Variants in NPTXR observed in about 807,000 individuals in gnomAD.
NPTXR encodes the protein neuronal pentraxin receptor.
A neutral mutation model predicts 32.2 loss-of-function variants in NPTXR; 12 were observed. The observed-to-expected ratio is 0.37, with a 90% confidence interval of 0.24 to 0.60. NPTXR has a LOEUF of 0.60. Ranked by LOEUF, NPTXR falls within the 20% of genes least tolerant of loss-of-function variation. The pLI is 0.66. For synonymous variants in NPTXR, 323 were observed against 315.8 expected (o/e 1.02, Z -0.24); for missense variants, 612 against 682.9 (o/e 0.90, Z 1.16).
intron 2 of NPTXR, among the ~76,000 whole-genome samples, chr22:38,827,543 C>A (rs1216169619): frequency 6.6e-6 from 1 of 152,152 alleles, no homozygotes; most frequent in African/African-American, 2.4e-5. Context: ...CCTGGATTTT[C>A]TTCTCCTGAA....
At chr22:38,828,651 C>T in intron 1 of NPTXR, 139 bp from the exon 2 acceptor site, 1 of 657,702 alleles carries the variant, frequency 1.5e-6, no homozygotes, top group Non-Finnish European at 2.6e-6. Flanking sequence ...ATGACAATGG[C>T]CAACATCAGG....
At chr22:38,838,528 A>G (rs138403060) in intron 1 of NPTXR, among the ~76,000 whole-genome samples, 442 of 151,200 alleles carry the variant, frequency 2.9e-3, no homozygotes, top group African/African-American at 0.01. Flanking sequence ...CGAGGCAGAA[A>G]TGGTCCAGGA....
At chr22:38,823,552 T>G (rs186261186) in intron 3 of NPTXR, among the ~76,000 whole-genome samples, 6 of 152,352 alleles carry the variant, frequency 3.9e-5, no homozygotes, top group African/African-American at 1.2e-4. Context: ...GAGAGGGATG[T>G]CTCATAATCC....
At chr22:38,842,816 A>G (rs1024957065) in intron 1 of NPTXR, among the ~76,000 whole-genome samples, 1 of 152,204 alleles carries the variant, frequency 6.6e-6, no homozygotes, top group African/African-American at 2.4e-5. Context: ...CTGGCCATAA[A>G]GTGTGAGCGT....
At chr22:38,832,137 T>C (rs767871422) in intron 1 of NPTXR, among the ~76,000 whole-genome samples, 2 of 152,194 alleles carry the variant, frequency 1.3e-5, no homozygotes, top group Non-Finnish European at 2.9e-5. Flanking sequence ...GCTGTTCTTT[T>C]GTCAGAGCCA....
At position 38,825,985 on chromosome 22, in the gene NPTXR, G is replaced by A. The variant is rs544925964; in HGVS notation, c.1098+515C>T. ...AGCCTCCCGAGTAGCTGGGACTACAGGTGCCCACCACCACACCCGGCTAAT... is the reference window on the plus strand; with the variant it reads ...AGCCTCCCGAGTAGCTGGGACTACAAGTGCCCACCACCACACCCGGCTAAT... On this transcript the variant is annotated intron_variant, in intron 3 of 4. Transcript: ENST00000333039. 9.9e-5 allele frequency among the ~76,000 whole-genome samples: 15 copies of A among 152,048 alleles called. No individual in the cohort carries two copies. The South Asian group carries it at 1.9e-3, about 19-fold the overall frequency.
Position 38,843,472 on chromosome 22 carries a change from C to A in NPTXR, c.387G>T (p.Thr129=), listed in dbSNP as rs748503650. 6 of 1,336,628 alleles carry A rather than the reference C, an allele frequency of 4.5e-6. No homozygotes were observed. The highest frequency in any genetic ancestry group is 3.8e-6 in the Non-Finnish European group (4 of 1,048,152). The allele number at this position is 1,336,628 out of a possible 1,614,324, so 82.8% of individuals were successfully genotyped here. Reference sequence around the variant, plus strand: ...GCGCCGTCTGGCGCAGCTGCTCGGCCGTGCTCTGCAGCAGCAGCAGCTCTT... The same window carrying A: ...GCGCCGTCTGGCGCAGCTGCTCGGCAGTGCTCTGCAGCAGCAGCAGCTCTT... Residue 129 remains threonine (T), a synonymous_variant, in exon 1 of 5, where the codon ACG becomes ACT. Coordinates refer to ENST00000333039, the MANE Select transcript of NPTXR (RefSeq NM_014293.4). The surrounding 1 kb of genome is among the most constrained non-coding windows in gnomAD (Gnocchi z 5.3).
At position 38,834,597 on chromosome 22, in the gene NPTXR, C is replaced by T. The variant is rs1429050672; in HGVS notation, c.625-6085G>A. ...AGCACTCATCCATCCATCCATCCAT[C>T]CATCATCCATCCATCCATCCATCCA... On this transcript the variant is annotated intron_variant, in intron 1 of 4. Coordinates refer to ENST00000333039, the MANE Select transcript of NPTXR (RefSeq NM_014293.4). The surrounding 1 kb of genome is among the most constrained non-coding windows in gnomAD (Gnocchi z 4.4). Among the ~76,000 whole-genome samples the T allele has an allele frequency of 1.6e-5, 2 of 128,660 alleles. No homozygotes were observed. The highest frequency in any genetic ancestry group is 3.3e-5 in the Non-Finnish European group (2 of 60,274). The allele number at this position is 128,660 out of a possible 152,430, so 84.4% of individuals were successfully genotyped here. A position where few individuals can be genotyped will look rare whatever the true frequency, so the allele number is the denominator to read the frequency against.
chr22:38,828,269 G>A lies in NPTXR; in HGVS notation c.850+18C>T. 6.2e-7 allele frequency: 1 copy of A among 1,604,754 alleles called. No homozygotes were observed. Among genetic ancestry groups the A allele is most frequent in the Non-Finnish European group, 8.5e-7 (1 of 1,173,032 alleles). The stretch of plus-strand genomic sequence containing the variant: ...CCTGAGGACCCCTCCAATGCCCTCT[G>A]CAGGACCCAGGACCCACCGTGCTCC... On this transcript the variant is annotated intron_variant, in intron 2 of 4. Transcript: ENST00000333039.
chr22:38,825,413 A>G (rs2093104826), intron 3 of NPTXR, among the ~76,000 whole-genome samples: 1 of 152,116 alleles, frequency 6.6e-6, no homozygotes, highest in African/African-American at 2.4e-5. Flanking sequence ...TGCTGTTGGG[A>G]AGGTCAAGGG....
At chr22:38,826,874 GCT>G (rs2093108014) in intron 2 of NPTXR, 127 bp from the exon 3 acceptor site, 3 of 1,034,566 alleles carry the variant, frequency 2.9e-6, no homozygotes, top group South Asian at 3.2e-5. Context: ...TGCCTTCAGG[GCT>G]CTCTCTGCTC....
chr22:38,843,295 C>G lies in NPTXR; in HGVS notation c.564G>C (p.Ala188=). 1.4e-6 allele frequency: 2 copies of G among 1,438,792 alleles called. No individual in the cohort carries two copies. The highest frequency in any genetic ancestry group is 3.1e-5 in the East Asian group (1 of 32,544). The allele number at this position is 1,438,792 out of a possible 1,614,324, so 89.1% of individuals were successfully genotyped here. A position where few individuals can be genotyped will look rare whatever the true frequency, so the allele number is the denominator to read the frequency against. ...CGGCGTCCTCCAGCTCCAGAATGAG[C>G]GCAGGCGAGTCCCAGGGCCCGTCGG... The change falls in exon 1 of 5, where the codon GCG becomes GCC. Residue 188 remains alanine, a synonymous_variant. Coordinates refer to ENST00000333039, the MANE Select transcript of NPTXR (RefSeq NM_014293.4). The surrounding 1 kb of genome is among the most constrained non-coding windows in gnomAD (Gnocchi z 5.3).
In NPTXR at chr22:38,840,909, A is replaced by C. The variant is rs1317755077; in HGVS notation, c.624+2326T>G. Among the ~76,000 whole-genome samples, 5 of 152,096 alleles carry C rather than the reference A, an allele frequency of 3.3e-5. No individual in the cohort carries two copies. In the East Asian group the frequency reaches 7.7e-4, roughly 24 times the overall value. ...GCGGCTGGAAGCCCAGGGCATGGAGACCTGCAAGAGGGGATGATCAGCAGG... is the reference window on the plus strand; with the variant it reads ...GCGGCTGGAAGCCCAGGGCATGGAGCCCTGCAAGAGGGGATGATCAGCAGG... On this transcript the variant is annotated intron_variant, in intron 1 of 4. Coordinates refer to ENST00000333039, the MANE Select transcript of NPTXR (RefSeq NM_014293.4).
intron 3 of NPTXR, among the ~76,000 whole-genome samples, chr22:38,824,841 G>C (rs16999470): frequency 2.6e-5 from 4 of 152,136 alleles, no homozygotes; most frequent in Non-Finnish European, 5.9e-5. Flanking sequence ...TGGGCCACAA[G>C]GGAAAGTCAC....
intron 2 of NPTXR, among the ~76,000 whole-genome samples, chr22:38,826,978 C>T (rs1000816097): frequency 6.6e-5 from 10 of 152,326 alleles, no homozygotes; most frequent in African/African-American, 1.9e-4. Context: ...TTCCCAGCCA[C>T]GTGACCGTCA....
intron 3 of NPTXR, among the ~76,000 whole-genome samples, chr22:38,825,599 G>A (rs1429062279): frequency 1.3e-5 from 2 of 152,072 alleles, no homozygotes; most frequent in African/African-American, 4.8e-5. Flanking sequence ...TTAGAGATAA[G>A]CAAACTGAGG....
intron 1 of NPTXR, among the ~76,000 whole-genome samples, chr22:38,831,241 T>C (rs1298107263): frequency 1.3e-5 from 2 of 152,058 alleles, no homozygotes; most frequent in Admixed American, 6.5e-5. Context: ...ACCCCATCTC[T>C]ACAAGAAATA....
chr22:38,837,049 C>T (rs1305617298), intron 1 of NPTXR, among the ~76,000 whole-genome samples: 3 of 152,200 alleles, frequency 2.0e-5, no homozygotes, highest in African/African-American at 4.8e-5. Flanking sequence ...CTCCTGACCT[C>T]GTGATACGCC....
Position 38,820,230 on chromosome 22 carries a change from G to T in NPTXR, c.*2379C>A, listed in dbSNP as rs1338168776. On this transcript the variant is annotated 3_prime_UTR_variant, in exon 5 of 5. Coordinates refer to ENST00000333039, the MANE Select transcript of NPTXR (RefSeq NM_014293.4). ...ACCGTGGCAACCTAGGTCTCAGCAGGTCTGGCTGAAGCCCGCCATTGCCTT... is the reference window on the plus strand; with the variant it reads ...ACCGTGGCAACCTAGGTCTCAGCAGTTCTGGCTGAAGCCCGCCATTGCCTT... 1 of 152,650 alleles carries T rather than the reference G, an allele frequency of 6.6e-6. No homozygotes were observed. The highest frequency in any genetic ancestry group is 1.5e-5 in the Non-Finnish European group (1 of 68,056). 9.5% of individuals were successfully genotyped at this position (152,650 alleles called of 1,614,324 possible).
Sources: allele counts gnomAD v4.1 joint callset (sites outside exome capture counted in the v4.1 genomes callset), GRCh38; gene constraint gnomAD v4.1.1; non-coding constraint Gnocchi (gnomAD v3.1); transcripts MANE v1.5; gene names NCBI Gene and HGNC (gene_info 2026-07-23, HGNC 2026-07-21).